Variants in SPATA2 observed in about 807,000 individuals in gnomAD.
SPATA2 encodes spermatogenesis associated 2.
SPATA2 carries 8 observed loss-of-function variants against 35.4 expected under a neutral mutation model. The ratio of observed to expected loss-of-function variants is 0.23; its 90% CI spans 0.13 to 0.41. SPATA2 has a LOEUF of 0.41. SPATA2 is among the 10% of genes least tolerant of loss of function. SPATA2 has a pLI of 1.00. For missense variants in SPATA2, 650 were observed against 698.7 expected (o/e 0.93, Z 0.79); for synonymous variants, 293 against 300.9 (o/e 0.97, Z 0.27).
rs1241986525 is a variant in SPATA2 at position 49,908,392 on chromosome 20, CCTG to C, written c.96_98del (p.Ser32del). On this transcript the variant is annotated inframe_deletion, in exon 2 of 3. Transcript: ENST00000289431. Reference sequence around the variant, plus strand: ...GGCACTCATCGCTGCCAGGCCGCTGCCTGCTGGTGGTGGTATCCACTTTGCTCT... The same window carrying C: ...GGCACTCATCGCTGCCAGGCCGCTGCCTGGTGGTGGTATCCACTTTGCTCT... 3 of 1,614,172 alleles carry C rather than the reference CCTG, an allele frequency of 1.9e-6. No homozygotes were observed. The highest frequency in any genetic ancestry group is 4.5e-5 in the East Asian group (2 of 44,880).
chr20:49,913,437 G>C (rs1270298690), intron 1 of SPATA2: 2 of 152,210 alleles, frequency 1.3e-5, no homozygotes, highest in Non-Finnish European at 2.9e-5. Context: ...GAAATCCACA[G>C]GATAGATCCA....
At position 49,905,895 on chromosome 20, in the gene SPATA2, C is replaced by G. The variant is rs1000972951; in HGVS notation, c.1287G>C (p.Leu429=). 1.9e-6 allele frequency: 3 copies of G among 1,612,688 alleles called. No individual in the cohort carries two copies. The highest frequency in any genetic ancestry group is 2.5e-6 in the Non-Finnish European group (3 of 1,180,024). The change falls in exon 3 of 3, where the codon CTG becomes CTC. Residue 429 remains leucine (L), a synonymous_variant. Coordinates refer to ENST00000289431, the MANE Select transcript of SPATA2 (RefSeq NM_006038.4). ...THDSLAHGAS[L]REKYPGQTQG... ...GAGTCTGGCCTGGGTACTTCTCCCG[C>G]AGAGATGCCCCGTGGGCCAGGCTGT... is the stretch of plus-strand genomic sequence containing the variant.
Position 49,908,296 on chromosome 20 carries a change from C to T in SPATA2, c.195G>A (p.Gln65=), listed in dbSNP as rs746000257. 6.2e-7 allele frequency: 1 copy of T among 1,614,250 alleles called. No homozygotes were observed. Among genetic ancestry groups the T allele is most frequent in the South Asian group, 1.1e-5 (1 of 91,090 alleles). The change falls in exon 2 of 3, where the codon CAG becomes CAA. Residue 65 remains glutamine (Q), a synonymous_variant. Transcript: ENST00000289431. ...AGGAGCTCTCCACCACCTCATAGAA[C>T]TGGATCAGCCGGAATCGATAAAAGG... The part of the protein sequence containing the change: ...VDPFYRFRLI[Q]FYEVVESSLR...
At position 49,905,201 on chromosome 20, in the gene SPATA2, G is replaced by A. The variant is rs1452832785; in HGVS notation, c.*418C>T. The stretch of plus-strand genomic sequence containing the variant: ...AGGCCTCTAGCTCGCCGCTCCAGGT[G>A]GATGTTTGGTGACCTGAAGGGCCCT... On this transcript the variant is annotated 3_prime_UTR_variant, in exon 3 of 3. Coordinates refer to ENST00000289431, the MANE Select transcript of SPATA2 (RefSeq NM_006038.4). The A allele has an allele frequency of 5.9e-6, 1 of 168,172 alleles. No homozygotes were observed. Among genetic ancestry groups the A allele is most frequent in the Non-Finnish European group, 1.3e-5 (1 of 77,464 alleles). The allele number at this position is 168,172 out of a possible 1,614,324, so 10.4% of individuals were successfully genotyped here.
chr20:49,908,040 A>G, intron 2 of SPATA2, 115 bp downstream of exon 2: 1 of 1,080,436 alleles, frequency 9.3e-7, no homozygotes, highest in South Asian at 1.6e-5. Context: ...CGGAGCCCGG[A>G]AGGATCTGAG....
intron 2 of SPATA2, among the ~76,000 whole-genome samples, chr20:49,907,294 C>T (rs188619927): frequency 1.3e-5 from 2 of 152,252 alleles, no homozygotes; most frequent in African/African-American, 4.8e-5. Context: ...CTCCTGACCT[C>T]GTGATCCACC....
At chr20:49,912,939 C>CAAAAAA (rs3092212) in intron 1 of SPATA2, among the ~76,000 whole-genome samples, 1 of 98,716 alleles carries the variant, frequency 1.0e-5, no homozygotes. Flanking sequence ...TCCGTCTCTA[C>CAAAAAA]AAAAAAAAAA....
chr20:49,909,814 C>T (rs1271409243), intron 1 of SPATA2, among the ~76,000 whole-genome samples: 3 of 152,128 alleles, frequency 2.0e-5, no homozygotes, highest in East Asian at 1.9e-4. Context: ...ATTCAGAATT[C>T]GATATTTTAT....
rs148068614 is a variant in SPATA2 at position 49,906,732 on chromosome 20, G to A, written c.450C>T (p.Leu150=). Reference sequence around the variant, plus strand: ...CCTGGAGGGTCTCCACGAGCTCTCTGAGCTTGTATGCAGTGCCCAGCTCAG... The same window carrying A: ...CCTGGAGGGTCTCCACGAGCTCTCTAAGCTTGTATGCAGTGCCCAGCTCAG... ...YTPELGTAYK[L]RELVETLQVK... The change falls in exon 3 of 3, where the codon CTC becomes CTT. Residue 150 remains leucine, a synonymous_variant. Transcript: ENST00000289431. The surrounding 1 kb of genome is among the most constrained non-coding windows in gnomAD (Gnocchi z 8.2). The A allele has an allele frequency of 2.2e-3, 3,607 of 1,614,252 alleles. 24 individuals carry two copies. The highest frequency in any genetic ancestry group is 0.012 in the South Asian group (1,118 of 91,088).
Position 49,906,042 on chromosome 20 carries a change from G to A in SPATA2, c.1140C>T (p.Leu380=), listed in dbSNP as rs907300382. Residue 380 remains leucine (L), a synonymous_variant, in exon 3 of 3, where the codon CTC becomes CTT. Transcript: ENST00000289431. The surrounding 1 kb of genome is among the most constrained non-coding windows in gnomAD (Gnocchi z 8.2). ...ACAGCCCGCAGCTTTGGCACTTGGA[G>A]AGGGCGGACTCTTTGGCAGGGGGCG... ...KRSPPAKESA[L]SKCQSCGLSC... The A allele has an allele frequency of 3.7e-6, 6 of 1,605,780 alleles. No homozygotes were observed. Among genetic ancestry groups the A allele is most frequent in the Middle Eastern group, 1.7e-4 (1 of 6,058 alleles).
At chr20:49,915,124 G>A (rs1469941895) in intron 1 of SPATA2, among the ~76,000 whole-genome samples, 2 of 152,206 alleles carry the variant, frequency 1.3e-5, no homozygotes, top group African/African-American at 2.4e-5. Context: ...AGTCGCCGAA[G>A]AGGGGTGTTC....
At chr20:49,912,960 T>C (rs1410149359) in intron 1 of SPATA2, among the ~76,000 whole-genome samples, 1 of 147,654 alleles carries the variant, frequency 6.8e-6, no homozygotes, top group Non-Finnish European at 1.5e-5. Context: ...AAAAAAAAAA[T>C]TAGGTGGGTG....
At chr20:49,911,979 G>C (rs1007029231) in intron 1 of SPATA2, among the ~76,000 whole-genome samples, 11 of 152,116 alleles carry the variant, frequency 7.2e-5, no homozygotes, top group Admixed American at 5.2e-4. Flanking sequence ...GCCTGAGCTG[G>C]ACCCAGTCGG....
At chr20:49,907,240 T>C (rs988820959) in intron 2 of SPATA2, among the ~76,000 whole-genome samples, 1 of 152,164 alleles carries the variant, frequency 6.6e-6, no homozygotes, top group Non-Finnish European at 1.5e-5. Flanking sequence ...TTTCTGTTTT[T>C]AGTAGAGATG....
chr20:49,908,922 T>C (rs1009985388), intron 1 of SPATA2, among the ~76,000 whole-genome samples: 1 of 151,910 alleles, frequency 6.6e-6, no homozygotes, highest in Admixed American at 6.6e-5. Flanking sequence ...GGATGAGGAG[T>C]CTGCCAGGCC....
intron 2 of SPATA2, 138 bp downstream of exon 2, chr20:49,908,017 G>A: frequency 1.2e-6 from 1 of 851,384 alleles, no homozygotes; most frequent in Non-Finnish European, 1.8e-6. Flanking sequence ...ATGCTGGAGA[G>A]ACGGGGAAGG....
At chr20:49,911,323 C>A (rs1265815488) in intron 1 of SPATA2, among the ~76,000 whole-genome samples, 1 of 152,134 alleles carries the variant, frequency 6.6e-6, no homozygotes, top group African/African-American at 2.4e-5. Context: ...GTGTTGTTCA[C>A]CACGATGCCT....
intron 1 of SPATA2, among the ~76,000 whole-genome samples, chr20:49,910,927 T>A (rs2769977): frequency 6.6e-6 from 1 of 152,126 alleles, no homozygotes; most frequent in Non-Finnish European, 1.5e-5. Flanking sequence ...AACACATCCA[T>A]TTAGGGGCCA....
Position 49,908,334 on chromosome 20 carries a change from G to C in SPATA2, c.157C>G (p.His53Asp), listed in dbSNP as rs1351990750. The stretch of plus-strand genomic sequence containing the variant: ...AATCGATAAAAGGGATCCACCTTGT[G>C]CAGGCTGAGCAGGGTTGAGGCTGCC... ...RVAASTLLSLHKVDPFYRFRL... is the reference protein window; with the variant it reads ...RVAASTLLSLDKVDPFYRFRL... The change falls in exon 2 of 3, where the codon CAC becomes GAC. Residue 53 changes from histidine to aspartate, a missense_variant. Physicochemically the swap from His to Asp is moderately conservative, Grantham distance 81. Coordinates refer to ENST00000289431, the MANE Select transcript of SPATA2 (RefSeq NM_006038.4). The C allele has an allele frequency of 6.2e-7, 1 of 1,614,148 alleles. No individual in the cohort carries two copies. The highest frequency in any genetic ancestry group is 1.3e-5 in the African/African-American group (1 of 74,946).
Sources: gnomAD v4.1 joint callset for allele counts (sites outside exome capture counted in the v4.1 genomes callset) on GRCh38, gnomAD v4.1.1 for gene constraint, Gnocchi (gnomAD v3.1) non-coding constraint, MANE v1.5 for transcripts, NCBI Gene and HGNC (gene_info 2026-07-23, HGNC 2026-07-21) for gene names.